Variants in SORCS1 observed in about 807,000 individuals in gnomAD.
SORCS1 encodes VPS10 domain-containing receptor SorCS1.
SORCS1 carries 60 observed loss-of-function variants against 146.1 expected under a neutral mutation model. The ratio of observed to expected loss-of-function variants is 0.41; its 90% confidence interval spans 0.33 to 0.51. The LOEUF (loss-of-function observed/expected upper bound fraction) is 0.51. SORCS1 is among the 20% of genes least tolerant of loss of function. The pLI, the probability that SORCS1 is intolerant of heterozygous loss-of-function variation, is 0.21. For synonymous variants in SORCS1, 637 were observed against 584.0 expected (o/e 1.09, Z -1.31); for missense variants, 1,352 against 1,487.6 (o/e 0.91, Z 1.50).
chr10:106,841,738 TG>T (rs1307175572), intron 2 of SORCS1, among the ~76,000 whole-genome samples: 1 of 152,238 alleles, frequency 6.6e-6, no homozygotes, highest in African/African-American at 2.4e-5. Flanking sequence ...CTCAGCTTCC[TG>T]CATGCCTTTT....
chr10:106,734,728 T>C (rs960377672), intron 5 of SORCS1, among the ~76,000 whole-genome samples: 5 of 152,226 alleles, frequency 3.3e-5, no homozygotes, highest in Admixed American at 1.3e-4. Flanking sequence ...TCCTATAATA[T>C]ACATCTTTAA....
Position 106,575,876 on chromosome 10 carries a change from T to C in SORCS1, c.*1544A>G, listed in dbSNP as rs185524389. The C allele has an allele frequency of 3.3e-3, 505 of 152,794 alleles. 1 individual carries two copies. Among genetic ancestry groups the C allele is most frequent in the Non-Finnish European group, 5.2e-3 (354 of 68,042 alleles). The allele number at this position is 152,794 out of a possible 1,614,324, so 9.5% of individuals were successfully genotyped here. A position where few individuals can be genotyped will look rare whatever the true frequency, so the allele number is the denominator to read the frequency against. The stretch of plus-strand genomic sequence containing the variant: ...TTTTATTTCACAAACATTTCTATTC[T>C]ACTGTGAGAGTGGAAATACCAGGTA... On this transcript the variant is annotated 3_prime_UTR_variant, in exon 26 of 26. Transcript: ENST00000263054.
intron 1 of SORCS1, among the ~76,000 whole-genome samples, chr10:106,997,260 C>T (rs1564905636): frequency 2.0e-5 from 3 of 152,160 alleles, no homozygotes; most frequent in Non-Finnish European, 4.4e-5. Context: ...GTGAACTCCG[C>T]CTGTCCCCTG....
chr10:106,988,527 G>A (rs1956594131), intron 1 of SORCS1, among the ~76,000 whole-genome samples: 1 of 152,046 alleles, frequency 6.6e-6, no homozygotes, highest in Non-Finnish European at 1.5e-5. Context: ...GGGTCAAAAA[G>A]TGAGTAAATA....
chr10:106,915,561 A>C (rs577146965), intron 2 of SORCS1, among the ~76,000 whole-genome samples: 1 of 151,104 alleles, frequency 6.6e-6, no homozygotes, highest in East Asian at 2.0e-4. Flanking sequence ...TCCCAGGCCC[A>C]CTCTACTCTA....
chr10:106,910,781 C>A (rs1441621126), intron 2 of SORCS1, among the ~76,000 whole-genome samples: 2 of 152,342 alleles, frequency 1.3e-5, no homozygotes, highest in African/African-American at 4.8e-5. Context: ...TGGACCATGG[C>A]ACGTGCTATT....
At chr10:107,081,972 A>G (rs1290757708) in intron 1 of SORCS1, among the ~76,000 whole-genome samples, 1 of 152,254 alleles carries the variant, frequency 6.6e-6, no homozygotes, top group Non-Finnish European at 1.5e-5. Context: ...GTTTGGGAAG[A>G]AAGAAAATCA....
At chr10:106,763,304 CT>C (rs915991359) in intron 4 of SORCS1, among the ~76,000 whole-genome samples, 4 of 152,048 alleles carry the variant, frequency 2.6e-5, no homozygotes, top group Non-Finnish European at 4.4e-5. Context: ...GTTTGTGGTT[CT>C]TTTTTTCTCT....
chr10:106,829,355 T>C (rs1415727025), intron 3 of SORCS1, among the ~76,000 whole-genome samples: 1 of 152,196 alleles, frequency 6.6e-6, no homozygotes, highest in Non-Finnish European at 1.5e-5. Context: ...CTTTTGGAAA[T>C]GGTAATGATC....
At chr10:106,706,869 C>T (rs1854570781) in intron 7 of SORCS1, among the ~76,000 whole-genome samples, 1 of 152,188 alleles carries the variant, frequency 6.6e-6, no homozygotes, top group African/African-American at 2.4e-5. Flanking sequence ...TAAGTTTGCA[C>T]TGTGACTCAG....
intron 1 of SORCS1, among the ~76,000 whole-genome samples, chr10:107,149,347 G>C (rs554032158): frequency 4.6e-5 from 7 of 152,188 alleles, no homozygotes; most frequent in South Asian, 2.1e-4. Flanking sequence ...CACTGGAGTG[G>C]AATATTCTAT....
chr10:106,703,954 G>C (rs1204424328), intron 8 of SORCS1, among the ~76,000 whole-genome samples: 1 of 152,200 alleles, frequency 6.6e-6, no homozygotes, highest in Non-Finnish European at 1.5e-5. Flanking sequence ...ACCCAGATAA[G>C]ACTGAGTAAT....
At chr10:106,870,581 A>C (rs994171890) in intron 2 of SORCS1, among the ~76,000 whole-genome samples, 17 of 152,218 alleles carry the variant, frequency 1.1e-4, no homozygotes, top group African/African-American at 3.9e-4. Context: ...AAAACAAACA[A>C]TAGGGAAAAG....
At chr10:106,752,786 A>G (rs1249689456) in intron 5 of SORCS1, among the ~76,000 whole-genome samples, 3 of 152,078 alleles carry the variant, frequency 2.0e-5, no homozygotes, top group Non-Finnish European at 2.9e-5. Flanking sequence ...TGGGGGAGGA[A>G]GTGGGCAGGG....
chr10:107,169,645 A>T (rs1334877160), upstream of SORCS1, among the ~76,000 whole-genome samples: 1 of 152,066 alleles, frequency 6.6e-6, no homozygotes, highest in East Asian at 1.9e-4. Flanking sequence ...TTTGTTTTGC[A>T]TTTTTCCCCC....
chr10:106,710,219 C>T (rs1020144124), intron 6 of SORCS1, among the ~76,000 whole-genome samples: 3 of 152,096 alleles, frequency 2.0e-5, no homozygotes, highest in East Asian at 1.9e-4. Context: ...GAGGCCAAAG[C>T]AGGTGGATCA....
intron 1 of SORCS1, among the ~76,000 whole-genome samples, chr10:107,071,504 GGA>G (rs552628256): frequency 4.9e-4 from 75 of 152,276 alleles, no homozygotes; most frequent in Non-Finnish European, 8.7e-4. Flanking sequence ...TTTCACCCCT[GGA>G]GCCCTTGCAA....
intron 6 of SORCS1, among the ~76,000 whole-genome samples, chr10:106,721,959 G>T (rs557641106): frequency 7.9e-5 from 12 of 152,164 alleles, no homozygotes; most frequent in African/African-American, 2.7e-4. Context: ...TATATGTGCT[G>T]ATATGAAAAG....
chr10:107,008,542 A>G (rs1451797518), intron 1 of SORCS1, among the ~76,000 whole-genome samples: 1 of 152,266 alleles, frequency 6.6e-6, no homozygotes, highest in Admixed American at 6.5e-5. Context: ...TGTCATTGAA[A>G]TAAGTAGATT....
Sources: allele counts gnomAD v4.1 joint callset (sites outside exome capture counted in the v4.1 genomes callset), GRCh38; gene constraint gnomAD v4.1.1; transcripts MANE v1.5; gene names NCBI Gene and HGNC (gene_info 2026-07-23, HGNC 2026-07-21).